USH2A: variants seen among roughly 807,000 people sequenced by gnomAD.
The protein encoded by USH2A is usherin.
Under a neutral mutation model 538.9 loss-of-function variants are expected in USH2A, and 443 were observed. That is an observed-to-expected ratio of 0.82 (90% CI 0.76 to 0.89). The LOEUF (loss-of-function observed/expected upper bound fraction) is 0.89, where lower values mean the gene tolerates loss of function less well. Among genes scored for constraint, USH2A ranks in the 40% least tolerant of loss-of-function variants. USH2A has a pLI of 0.00. For synonymous variants in USH2A, 2,413 were observed against 2,273.5 expected, an observed-to-expected ratio of 1.06 and a Z score of -1.75; for missense variants, 6,633 against 6,324.8, an observed-to-expected ratio of 1.05 and a Z score of -1.65.
chr1:215,641,062 C>A (rs543585245), intron 67 of USH2A, among the ~76,000 whole-genome samples: 1 of 152,150 alleles, frequency 6.6e-6, no homozygotes, highest in South Asian at 2.1e-4. Flanking sequence ...ACCAGCATAA[C>A]CCTGGAGCTC....
At chr1:215,957,647 G>A (rs1489185375) in intron 37 of USH2A, among the ~76,000 whole-genome samples, 2 of 152,052 alleles carry the variant, frequency 1.3e-5, no homozygotes, top group African/African-American at 2.4e-5. Context: ...GCCACATTAC[G>A]CCGTTCTACA....
chr1:216,151,499 C>T (rs1193981282), intron 21 of USH2A, among the ~76,000 whole-genome samples: 1 of 152,146 alleles, frequency 6.6e-6, no homozygotes, highest in Non-Finnish European at 1.5e-5. Flanking sequence ...GGACTTTCTG[C>T]CTCCATGATT....
chr1:216,135,340 G>A (rs892215701), intron 21 of USH2A, among the ~76,000 whole-genome samples: 23 of 151,982 alleles, frequency 1.5e-4, no homozygotes, highest in East Asian at 5.8e-4. Context: ...AGCTTAGCAC[G>A]CTGTCCAGAT....
chr1:216,056,782 TTG>T lies in USH2A; in HGVS notation c.6050-8137_6050-8136del, dbSNP rs148484406. Reference sequence around the variant, plus strand: ...TTTATAAGAAATTCTATGTGTGCATTTGTGTGTGTGTGTGTGTGTGTGAGAGA... The same window carrying T: ...TTTATAAGAAATTCTATGTGTGCATTTGTGTGTGTGTGTGTGTGTGAGAGA... On this transcript the variant is annotated intron_variant, in intron 30 of 71. Transcript: ENST00000307340. Among the ~76,000 whole-genome samples the T allele has an allele frequency of 3.1e-3, 465 of 149,206 alleles. 5 individuals are homozygous for T. The highest frequency in any genetic ancestry group is 0.011 in the African/African-American group (445 of 40,624).
chr1:215,935,882 A>G (rs944635439), intron 37 of USH2A, among the ~76,000 whole-genome samples: 1 of 151,994 alleles, frequency 6.6e-6, no homozygotes, highest in African/African-American at 2.4e-5. Context: ...AAAACAAAAA[A>G]TTAAAATTAA....
rs71161422 is a variant in USH2A at position 216,400,216 on chromosome 1, TTATATA to T, written c.651+18292_651+18297del. 2.9e-3 allele frequency among the ~76,000 whole-genome samples: 426 copies of T among 147,158 alleles called. 1 individual carries two copies. Among genetic ancestry groups the T allele is most frequent in the African/African-American group, 9.5e-3 (383 of 40,436 alleles). ...AGAAACCCCAGCATAGAAATAGAAG[TTATATA>T]TATATATATATATATAAAAGATCCA... On this transcript the variant is annotated intron_variant, in intron 3 of 71. Transcript: ENST00000307340.
At chr1:216,174,628 C>G in intron 21 of USH2A, 1 of 984,068 alleles carries the variant, frequency 1.0e-6, no homozygotes, top group Non-Finnish European at 1.2e-6. Context: ...ATTTTGTGAC[C>G]GAAACAAGAG....
intron 10 of USH2A, 52 bp from the exon 11 acceptor site, chr1:216,289,462 T>A (rs2036956953): frequency 1.2e-6 from 2 of 1,611,270 alleles, no homozygotes; most frequent in African/African-American, 2.7e-5. Context: ...TAAAATCAGC[T>A]GCATAATTCA....
chr1:216,013,743 A>G (rs34819906), intron 32 of USH2A, among the ~76,000 whole-genome samples: 26,617 of 151,044 alleles, frequency 0.18, 2,578 homozygotes, highest in South Asian at 0.3. Context: ...CCTATAAAAC[A>G]GCCCCACCCC....
intron 21 of USH2A, among the ~76,000 whole-genome samples, chr1:216,121,707 A>T (rs2033141998): frequency 6.6e-6 from 1 of 152,226 alleles, no homozygotes; most frequent in Non-Finnish European, 1.5e-5. Context: ...AGAAAAACTA[A>T]TGATGTCTGT....
intron 38 of USH2A, among the ~76,000 whole-genome samples, chr1:215,911,536 T>G (rs1010177762): frequency 9.9e-5 from 15 of 152,124 alleles, no homozygotes; most frequent in Admixed American, 9.2e-4. Context: ...TGACTGGATC[T>G]CATTCTTTTC....
chr1:215,930,412 AG>A (rs2102496053), intron 38 of USH2A, among the ~76,000 whole-genome samples: 1 of 152,080 alleles, frequency 6.6e-6, no homozygotes, highest in African/African-American at 2.4e-5. Flanking sequence ...GGAAAAAAAA[AG>A]GTTTAAGTCT....
At chr1:216,341,966 C>G (rs1431055014) in intron 4 of USH2A, among the ~76,000 whole-genome samples, 1 of 152,060 alleles carries the variant, frequency 6.6e-6, no homozygotes, top group Non-Finnish European at 1.5e-5. Context: ...ATGCCAAAAG[C>G]AATTGCAACA....
intron 44 of USH2A, among the ~76,000 whole-genome samples, chr1:215,863,293 G>A (rs1021826630): frequency 6.6e-6 from 1 of 152,154 alleles, no homozygotes; most frequent in Non-Finnish European, 1.5e-5. Context: ...GAAGACAATG[G>A]AAAAGTCAGA....
intron 3 of USH2A, among the ~76,000 whole-genome samples, chr1:216,406,287 T>G (rs778317114): frequency 7.2e-5 from 11 of 152,132 alleles, no homozygotes; most frequent in Non-Finnish European, 1.3e-4. Context: ...AACAAATGAG[T>G]AAAGGGTACA....
At chr1:215,879,482 T>C (rs1045829745) in intron 41 of USH2A, among the ~76,000 whole-genome samples, 2 of 152,206 alleles carry the variant, frequency 1.3e-5, no homozygotes, top group African/African-American at 4.8e-5. Flanking sequence ...ATAACTCAAC[T>C]AAATGAAACA....
At position 216,093,030 on chromosome 1, in the gene USH2A, G is replaced by T. The variant is rs375387800; in HGVS notation, c.4759-3891C>A. Among the ~76,000 whole-genome samples the T allele has an allele frequency of 3.3e-5, 5 of 151,802 alleles. No individual in the cohort carries two copies. In the East Asian group the frequency reaches 9.7e-4, roughly 29 times the overall value. Reference sequence around the variant, plus strand: ...ACCCAGGTTGGAGTGCAGTGGCTCAGTCTCGGCTCACTGTAACCTCTGCCT... The same window carrying T: ...ACCCAGGTTGGAGTGCAGTGGCTCATTCTCGGCTCACTGTAACCTCTGCCT... On this transcript the variant is annotated intron_variant, in intron 22 of 71. Transcript: ENST00000307340.
At chr1:216,383,818 G>T (rs969125877) in intron 3 of USH2A, among the ~76,000 whole-genome samples, 2 of 151,524 alleles carry the variant, frequency 1.3e-5, no homozygotes, top group Admixed American at 1.3e-4. Context: ...GGGACTACAG[G>T]CATGCACCAC....
intron 20 of USH2A, among the ~76,000 whole-genome samples, chr1:216,179,953 G>C (rs2034461243): frequency 6.6e-6 from 1 of 152,038 alleles, no homozygotes; most frequent in South Asian, 2.1e-4. Flanking sequence ...GTCTAAATCT[G>C]TGTGATCTTA....
Sources: allele counts gnomAD v4.1 joint callset (sites outside exome capture counted in the v4.1 genomes callset), GRCh38; gene constraint gnomAD v4.1.1; transcripts MANE v1.5; gene names NCBI Gene and HGNC (gene_info 2026-07-23, HGNC 2026-07-21).